Variants in ZPR1 observed in about 807,000 individuals in gnomAD.
ZPR1 encodes the protein zinc finger protein ZPR1.
ZPR1 carries 37 observed loss-of-function variants against 59.6 expected under a neutral mutation model. The observed-to-expected ratio is 0.62, with a 90% CI of 0.48 to 0.82. The LOEUF (loss-of-function observed/expected upper bound fraction) is 0.82. ZPR1 is among the 40% of genes least tolerant of loss of function. The pLI is 0.00. For missense variants in ZPR1, 527 were observed against 579.9 expected (o/e 0.91, Z 0.94); for synonymous variants, 191 against 215.2 (o/e 0.89, Z 0.99).
chr11:116,785,406 A>G (rs1023886738), intron 6 of ZPR1, 108 bp downstream of exon 6: 1 of 1,490,232 alleles, frequency 6.7e-7, no homozygotes, highest in Non-Finnish European at 9.0e-7. Flanking sequence ...AAACAAGCTG[A>G]GATAGGGCAC....
chr11:116,779,806 A>G lies in ZPR1; in HGVS notation c.1211T>C (p.Ile404Thr), dbSNP rs746978511. The G allele has an allele frequency of 6.3e-7, 1 of 1,592,676 alleles. No individual in the cohort carries two copies. Among genetic ancestry groups the G allele is most frequent in the East Asian group, 2.3e-5 (1 of 43,382 alleles). Reference protein sequence around the residue: ...IIEGNMKAHFIMDDPAGNSYL... With the variant: ...IIEGNMKAHFTMDDPAGNSYL... ...ACTGTTTCCTGCTGGATCATCCATA[A>G]TAAAGTGGGCCTTCATGTTACCTTC... Residue 404 changes from isoleucine (I) to threonine (T), a missense_variant, in exon 13 of 14, where the codon ATT becomes ACT. Transcript: ENST00000227322.
rs962605690 is a variant in ZPR1 at position 116,785,421 on chromosome 11, A to T, written c.705+93T>A. Reference sequence around the variant, plus strand: ...AAACAAGCTGAGATAGGGCACACAGAGCAGCAGCAGCAAAATAAGTTCCAC... The same window carrying T: ...AAACAAGCTGAGATAGGGCACACAGTGCAGCAGCAGCAAAATAAGTTCCAC... On this transcript the variant is annotated intron_variant, in intron 6 of 13. Coordinates refer to ENST00000227322, the MANE Select transcript of ZPR1 (RefSeq NM_003904.5). 10 of 1,535,998 alleles carry T rather than the reference A, an allele frequency of 6.5e-6. No individual in the cohort carries two copies. In the African/African-American group the frequency reaches 1.4e-4, roughly 21 times the overall value.
At chr11:116,786,734 A>G (rs1940893543) in intron 3 of ZPR1, among the ~76,000 whole-genome samples, 153 bp from the exon 4 acceptor site, 1 of 152,238 alleles carries the variant, frequency 6.6e-6, no homozygotes, top group South Asian at 2.1e-4. Flanking sequence ...TTCATGTCTG[A>G]TAATAGTGAT....
At position 116,787,585 on chromosome 11, in the gene ZPR1, G is replaced by C; in HGVS notation, c.230C>G (p.Ser77Cys). The C allele has an allele frequency of 1.2e-6, 2 of 1,614,218 alleles. No homozygotes were observed. The highest frequency in any genetic ancestry group is 2.2e-5 in the South Asian group (2 of 91,088). Reference sequence around the variant, plus strand: ...CCAGCCACAGTGCTCGCAGGAAAAGGAGCTCACTATTATTTCTCTGAAGAA... The same window carrying C: ...CCAGCCACAGTGCTCGCAGGAAAAGCAGCTCACTATTATTTCTCTGAAGAA... ...IPFFREIIVSSFSCEHCGWNN... is the reference protein window; with the variant it reads ...IPFFREIIVSCFSCEHCGWNN... Residue 77 changes from serine (S) to cysteine (C), a missense_variant, in exon 2 of 14, where the codon TCC (serine) becomes TGC (cysteine). Transcript: ENST00000227322.
In ZPR1 at chr11:116,782,902, C is replaced by G. The variant is rs1472409069; in HGVS notation, c.1092+17G>C. 3 of 1,608,118 alleles carry G rather than the reference C, an allele frequency of 1.9e-6. No individual in the cohort carries two copies. The highest frequency in any genetic ancestry group is 2.7e-5 in the African/African-American group (2 of 74,836). ...AAATTGCTCAAAGGTGGTTTACACA[C>G]TACTCAAGTGACTCACCAGTTCCCG... is the stretch of plus-strand genomic sequence containing the variant. On this transcript the variant is annotated intron_variant, in intron 11 of 13. Transcript: ENST00000227322.
chr11:116,787,548 C>A lies in ZPR1; in HGVS notation c.267G>T (p.Glu89Asp). 6.2e-7 allele frequency: 1 copy of A among 1,614,226 alleles called. No homozygotes were observed. The highest frequency in any genetic ancestry group is 1.1e-5 in the South Asian group (1 of 91,086). Residue 89 changes from glutamate (E) to aspartate (D), a missense_variant, in exon 2 of 14, where the codon GAG (glutamate) becomes GAT (aspartate). Coordinates refer to ENST00000227322, the MANE Select transcript of ZPR1 (RefSeq NM_003904.5). The part of the protein sequence containing the change: ...SCEHCGWNNT[E>D]IQSAGRIQDQ... ...CCTGGATCCTGCCTGCCGACTGGAT[C>A]TCCGTGTTGTTCCAGCCACAGTGCT...
In ZPR1 at chr11:116,779,840, A is replaced by G. The variant is rs1479585849; in HGVS notation, c.1180-3T>C. 1 of 1,579,618 alleles carries G rather than the reference A, an allele frequency of 6.3e-7. No homozygotes were observed. The highest frequency in any genetic ancestry group is 1.4e-5 in the African/African-American group (1 of 73,532). On this transcript the variant is annotated splice_polypyrimidine_tract_variant and splice_region_variant and intron_variant, in intron 12 of 13. Transcript: ENST00000227322. ...GCCTTCATGTTACCTTCGATGATCT[A>G]AAGGAGAGAGAGAACACAGCAAGTA...
chr11:116,786,294 G>A (rs554891635), intron 4 of ZPR1, among the ~76,000 whole-genome samples: 2 of 152,194 alleles, frequency 1.3e-5, no homozygotes, highest in African/African-American at 2.4e-5. Flanking sequence ...CTCTTCAGAG[G>A]TAATGTTATA....
At chr11:116,782,685 C>T (rs1940826441) in intron 11 of ZPR1, among the ~76,000 whole-genome samples, 1 of 152,148 alleles carries the variant, frequency 6.6e-6, no homozygotes, top group Non-Finnish European at 1.5e-5. Flanking sequence ...AATGACTTGT[C>T]CAAGACCACA....
rs1940721334 is a variant in ZPR1 at position 116,776,270 on chromosome 11, T to G, written c.*2655A>C. ...ATCACAAACCTTTTCCACTTAAATG[T>G]TACTCATGGCTGTGAAACTGAATCC... On this transcript the variant is annotated 3_prime_UTR_variant, in exon 14 of 14. Transcript: ENST00000227322. The G allele has an allele frequency of 6.6e-6, 1 of 152,268 alleles. No individual in the cohort carries two copies. The highest frequency in any genetic ancestry group is 1.5e-5 in the Non-Finnish European group (1 of 68,048). 9.4% of individuals were successfully genotyped at this position (152,268 alleles called of 1,614,324 possible).
Position 116,776,135 on chromosome 11 carries a change from G to C in ZPR1, c.*2790C>G, listed in dbSNP as rs529779466. 5 of 152,360 alleles carry C rather than the reference G, an allele frequency of 3.3e-5. No individual in the cohort carries two copies. Among genetic ancestry groups the C allele is most frequent in the African/African-American group, 4.8e-5 (2 of 41,574 alleles). 9.4% of individuals were successfully genotyped at this position (152,360 alleles called of 1,614,324 possible). A position where few individuals can be genotyped will look rare whatever the true frequency, so the allele number is the denominator to read the frequency against. On this transcript the variant is annotated 3_prime_UTR_variant, in exon 14 of 14. Coordinates refer to ENST00000227322, the MANE Select transcript of ZPR1 (RefSeq NM_003904.5). ...ACAGATGTACATTCAGTACCTACCT[G>C]TATGTTCGTCCACACGTCTAATGAC...
chr11:116,787,134 C>A, intron 2 of ZPR1, 75 bp from the exon 3 acceptor site: 1 of 1,341,226 alleles, frequency 7.5e-7, no homozygotes, highest in South Asian at 1.2e-5. Flanking sequence ...CAGACCGTCC[C>A]CTTCCATCAG....
intron 4 of ZPR1, 121 bp from the exon 5 acceptor site, chr11:116,786,003 G>T: frequency 1.2e-6 from 1 of 859,536 alleles, no homozygotes; most frequent in Non-Finnish European, 1.9e-6. Flanking sequence ...TGGAAACAGA[G>T]TGACTCAGGC....
intron 12 of ZPR1, 26 bp from the exon 13 acceptor site, chr11:116,779,863 G>T: frequency 1.6e-6 from 2 of 1,218,888 alleles, no homozygotes; most frequent in Non-Finnish European, 2.2e-6. Context: ...AACACAGCAA[G>T]TAAATTTTAC....
At chr11:116,785,288 G>T in intron 6 of ZPR1, 142 bp from the exon 7 acceptor site, 1 of 1,123,602 alleles carries the variant, frequency 8.9e-7, no homozygotes, top group Non-Finnish European at 1.3e-6. Context: ...AAACCACAAA[G>T]TAAAGCCCCA....
In ZPR1 at chr11:116,778,808, C is replaced by T. The variant is rs759109596; in HGVS notation, c.*117G>A. The stretch of plus-strand genomic sequence containing the variant: ...ATCTCTGACTCAGACCAGATGTCCT[C>T]CCCACCATGGGCAAGGGCTGGTGGG... On this transcript the variant is annotated 3_prime_UTR_variant, in exon 14 of 14. Coordinates refer to ENST00000227322, the MANE Select transcript of ZPR1 (RefSeq NM_003904.5). 9.9e-6 allele frequency: 13 copies of T among 1,313,836 alleles called. No individual in the cohort carries two copies. Among genetic ancestry groups the T allele is most frequent in the Middle Eastern group, 2.7e-4 (1 of 3,660 alleles). The allele number at this position is 1,313,836 out of a possible 1,614,324, so 81.4% of individuals were successfully genotyped here.
At chr11:116,779,206 T>C (rs899639253) in intron 13 of ZPR1, 147 bp from the exon 14 acceptor site, 1 of 1,130,596 alleles carries the variant, frequency 8.8e-7, no homozygotes, top group African/African-American at 1.6e-5. Context: ...TAGACTGAAC[T>C]AGTGGGTAGC....
intron 9 of ZPR1, among the ~76,000 whole-genome samples, chr11:116,783,977 G>T (rs1940848956): frequency 6.6e-6 from 1 of 151,332 alleles, no homozygotes; most frequent in East Asian, 1.9e-4. Flanking sequence ...TCTGGTTAAA[G>T]AATTTAATTA....
In ZPR1 at chr11:116,783,667, C is replaced by T. The variant is rs1185328091; in HGVS notation, c.892-48G>A. ...CAACAGAGAGAAGACCTGAGCCTCACTTGGTACCCAGGAGACCTGGAGTGT... is the reference window on the plus strand; with the variant it reads ...CAACAGAGAGAAGACCTGAGCCTCATTTGGTACCCAGGAGACCTGGAGTGT... On this transcript the variant is annotated intron_variant, in intron 9 of 13. Transcript: ENST00000227322. The T allele has an allele frequency of 3.3e-6, 5 of 1,515,726 alleles. No individual in the cohort carries two copies. The Admixed American group carries it at 5.0e-5, about 15-fold the overall frequency. 93.9% of individuals were successfully genotyped at this position (1,515,726 alleles called of 1,614,324 possible).
Sources: gnomAD v4.1 joint callset for allele counts (sites outside exome capture counted in the v4.1 genomes callset) on GRCh38, gnomAD v4.1.1 for gene constraint, MANE v1.5 for transcripts, NCBI Gene and HGNC (gene_info 2026-07-23, HGNC 2026-07-21) for gene names.